DNAH11: variants seen among roughly 807,000 people sequenced by gnomAD.
DNAH11 encodes the protein axonemal beta dynein heavy chain 11.
DNAH11 carries 442 observed loss-of-function variants against 526.0 expected under a neutral mutation model. The ratio of observed to expected loss-of-function variants is 0.84; its 90% CI spans 0.78 to 0.91. The LOEUF (loss-of-function observed/expected upper bound fraction) is 0.91, where lower values mean the gene tolerates loss of function less well. DNAH11 is among the 40% of genes least tolerant of loss of function. DNAH11 has a pLI of 0.00. For synonymous variants in DNAH11, 2,461 were observed against 1,935.9 expected, an observed-to-expected ratio of 1.27 and a Z score of -7.12; for missense variants, 6,989 against 5,448.7, an observed-to-expected ratio of 1.28 and a Z score of -8.90.
chr7:21,550,551 G>C (rs1320813491), intron 2 of DNAH11, among the ~76,000 whole-genome samples: 4 of 147,410 alleles, frequency 2.7e-5, no homozygotes, highest in South Asian at 2.2e-4. Context: ...GGAGACATTT[G>C]GTTCAAGGCA....
intron 65 of DNAH11, among the ~76,000 whole-genome samples, chr7:21,825,837 T>C (rs1309130188): frequency 1.3e-5 from 2 of 151,846 alleles, no homozygotes; most frequent in African/African-American, 2.4e-5. Flanking sequence ...CGGGTGCCTG[T>C]AGTCCCAGCT....
intron 20 of DNAH11, among the ~76,000 whole-genome samples, chr7:21,609,837 A>C (rs1225671037): frequency 4.6e-5 from 7 of 152,178 alleles, no homozygotes; most frequent in Admixed American, 1.3e-4. Flanking sequence ...TCTCATGGGG[A>C]AGTAGAAGAT....
At chr7:21,625,445 A>G (rs1786283475) in intron 25 of DNAH11, among the ~76,000 whole-genome samples, 1 of 152,130 alleles carries the variant, frequency 6.6e-6, no homozygotes, top group Non-Finnish European at 1.5e-5. Flanking sequence ...TTACTATTCA[A>G]AAAACCAATT....
intron 25 of DNAH11, among the ~76,000 whole-genome samples, chr7:21,628,423 G>A (rs753137984): frequency 6.6e-6 from 1 of 152,048 alleles, no homozygotes; most frequent in African/African-American, 2.4e-5. Context: ...GTTAGCTGTG[G>A]ATTTATTGTA....
At chr7:21,823,668 C>T (rs34779523) in intron 65 of DNAH11, among the ~76,000 whole-genome samples, 79,082 of 151,808 alleles carry the variant, frequency 0.52, 21,849 homozygotes, top group Non-Finnish European at 0.63. Flanking sequence ...ATACTATATG[C>T]CTTTAAAAAG....
intron 30 of DNAH11, among the ~76,000 whole-genome samples, chr7:21,662,452 T>A (rs1175807278): frequency 1.3e-5 from 2 of 152,128 alleles, no homozygotes; most frequent in East Asian, 3.9e-4. Flanking sequence ...CCATAATCTT[T>A]ACCCCTAAAT....
chr7:21,634,367 A>G (rs1400161497), intron 25 of DNAH11, among the ~76,000 whole-genome samples: 3 of 152,198 alleles, frequency 2.0e-5, no homozygotes. Context: ...AGGAGACAAA[A>G]AGGAGGCAGC....
intron 44 of DNAH11, among the ~76,000 whole-genome samples, chr7:21,723,685 T>C (rs1035927161): frequency 8.5e-5 from 13 of 152,302 alleles, no homozygotes; most frequent in African/African-American, 2.9e-4. Context: ...CCTCTGAATC[T>C]AGCCCTGCTT....
chr7:21,802,160 T>G (rs1166712481), intron 62 of DNAH11, among the ~76,000 whole-genome samples: 6 of 152,124 alleles, frequency 3.9e-5, no homozygotes, highest in African/African-American at 1.2e-4. Context: ...TAACCAAATT[T>G]TAAAATAAGA....
chr7:21,802,254 T>C (rs1789027751), intron 62 of DNAH11, among the ~76,000 whole-genome samples: 2 of 152,186 alleles, frequency 1.3e-5, no homozygotes, highest in South Asian at 4.1e-4. Flanking sequence ...CCATTAGTCG[T>C]TAGAGAAATG....
chr7:21,547,253 T>G (rs1047763742), intron 2 of DNAH11, among the ~76,000 whole-genome samples: 3 of 152,180 alleles, frequency 2.0e-5, no homozygotes, highest in Admixed American at 1.3e-4. Flanking sequence ...TTTCGTAGTG[T>G]TTTATCCACA....
intron 56 of DNAH11, among the ~76,000 whole-genome samples, chr7:21,775,546 A>G (rs1308025066): frequency 6.6e-6 from 1 of 151,754 alleles, no homozygotes; most frequent in Admixed American, 6.6e-5. Flanking sequence ...TGAGCCCAAG[A>G]GTTTGAGGTT....
intron 28 of DNAH11, among the ~76,000 whole-genome samples, chr7:21,650,542 CCTT>C (rs1208220606): frequency 4.5e-5 from 6 of 134,764 alleles, no homozygotes; most frequent in Admixed American, 1.4e-4. Context: ...TTCTAGAAGG[CCTT>C]TTTTTTTTTT....
chr7:21,704,216 T>C (rs1784171854), intron 37 of DNAH11, among the ~76,000 whole-genome samples: 1 of 152,218 alleles, frequency 6.6e-6, no homozygotes, highest in Admixed American at 6.5e-5. Flanking sequence ...GCTGTTCTTA[T>C]TCTAAGGATT....
At chr7:21,845,731 A>G (rs1782392913) in intron 66 of DNAH11, among the ~76,000 whole-genome samples, 1 of 152,202 alleles carries the variant, frequency 6.6e-6, no homozygotes, top group South Asian at 2.1e-4. Flanking sequence ...AAACTTTAGA[A>G]TCAGATTTTC....
At chr7:21,603,517 G>A (rs1785171627) in intron 18 of DNAH11, among the ~76,000 whole-genome samples, 1 of 152,054 alleles carries the variant, frequency 6.6e-6, no homozygotes, top group African/African-American at 2.4e-5. Context: ...TTTATATTCT[G>A]TCATTTTGCT....
chr7:21,717,951 C>T (rs773185376), intron 43 of DNAH11, 26 bp downstream of exon 43: 39 of 1,594,774 alleles, frequency 2.4e-5, no homozygotes, highest in Non-Finnish European at 2.7e-5. Flanking sequence ...CGCCATTTAA[C>T]GTTCTAGTTC....
At chr7:21,668,419 G>A (rs1214030851) in intron 30 of DNAH11, among the ~76,000 whole-genome samples, 1 of 152,126 alleles carries the variant, frequency 6.6e-6, no homozygotes, top group African/African-American at 2.4e-5. Flanking sequence ...TGTTTCTCTT[G>A]TAACACAGCT....
intron 67 of DNAH11, among the ~76,000 whole-genome samples, chr7:21,853,105 TCACCC>T (rs1390484852): frequency 1.5e-4 from 23 of 152,216 alleles, no homozygotes; most frequent in African/African-American, 5.3e-4. Flanking sequence ...AATGCACTAT[TCACCC>T]CAGGAAAAAT....
Sources: gnomAD v4.1 joint callset for allele counts (sites outside exome capture counted in the v4.1 genomes callset) on GRCh38, gnomAD v4.1.1 for gene constraint, MANE v1.5 for transcripts, NCBI Gene and HGNC (gene_info 2026-07-23, HGNC 2026-07-21) for gene names.